Variants in MYRFL observed in about 807,000 individuals in gnomAD.
MYRFL encodes the protein myelin regulatory factor like.
A neutral mutation model predicts 109.4 loss-of-function variants in MYRFL; 88 were observed. The observed-to-expected ratio is 0.80, with a 90% CI of 0.68 to 0.96. MYRFL has a LOEUF of 0.96. MYRFL is among the 40% of genes least tolerant of loss of function. The probability of loss-of-function intolerance (pLI) is 0.00; values close to 1 mark genes in which losing one functional copy is unlikely to be tolerated. For synonymous variants in MYRFL, 324 were observed against 320.9 expected (o/e 1.01, Z -0.10); for missense variants, 957 against 954.9 (o/e 1.00, Z -0.03).
rs975243198 is a variant in MYRFL, at chr12:69,922,233, A to G, written c.1603-4338A>G. Among the ~76,000 whole-genome samples, 4 of 152,294 alleles carry G rather than the reference A, an allele frequency of 2.6e-5. No homozygotes were observed. The East Asian group carries it at 7.7e-4, about 29-fold the overall frequency. On this transcript the variant is annotated intron_variant, in intron 13 of 24. Coordinates refer to ENST00000552032, the MANE Select transcript of MYRFL (RefSeq NM_182530.3). ...CTGTAAATAATACAGCTGTAATTATAGTATAAGGCTCTCTACAGGGTAAAC... is the reference window on the plus strand; with the variant it reads ...CTGTAAATAATACAGCTGTAATTATGGTATAAGGCTCTCTACAGGGTAAAC...
intron 2 of MYRFL, among the ~76,000 whole-genome samples, chr12:69,874,730 T>C (rs1462013964): frequency 6.6e-6 from 1 of 152,084 alleles, no homozygotes; most frequent in Non-Finnish European, 1.5e-5. Flanking sequence ...AATTCTGGCT[T>C]ACCAATTTTG....
intron 2 of MYRFL, among the ~76,000 whole-genome samples, chr12:69,856,397 T>G (rs754971954): frequency 6.6e-6 from 1 of 152,144 alleles, no homozygotes; most frequent in Non-Finnish European, 1.5e-5. Context: ...ATCAATAGTT[T>G]AAATTTCTCT....
intron 19 of MYRFL, among the ~76,000 whole-genome samples, chr12:69,943,427 T>A (rs1396955054): frequency 6.8e-6 from 1 of 146,798 alleles, no homozygotes; most frequent in African/African-American, 2.5e-5. Context: ...AAACAAGCAA[T>A]GGGGAAAGGA....
At chr12:69,868,869 CGCGCACACACAT>C (rs1052540097) in intron 2 of MYRFL, among the ~76,000 whole-genome samples, 2 of 152,028 alleles carry the variant, frequency 1.3e-5, no homozygotes, top group African/African-American at 4.8e-5. Flanking sequence ...TGCACACACA[CGCGCACACACAT>C]GCACTCACAC....
intron 13 of MYRFL, among the ~76,000 whole-genome samples, chr12:69,925,832 G>A (rs149804520): frequency 2.0e-4 from 31 of 152,222 alleles, no homozygotes; most frequent in African/African-American, 7.2e-4. Flanking sequence ...GTATACAATA[G>A]TTCATTGGAT....
At chr12:69,909,601 A>G (rs1954488031) in intron 11 of MYRFL, among the ~76,000 whole-genome samples, 1 of 152,264 alleles carries the variant, frequency 6.6e-6, no homozygotes, top group Non-Finnish European at 1.5e-5. Flanking sequence ...CTCAATTTAA[A>G]GAGGAATCCT....
intron 2 of MYRFL, among the ~76,000 whole-genome samples, chr12:69,865,478 A>T (rs1020860075): frequency 3.9e-5 from 6 of 151,980 alleles, no homozygotes; most frequent in Non-Finnish European, 7.4e-5. Context: ...CTTTATGGGG[A>T]GGAGTTCTAG....
intron 1 of MYRFL, among the ~76,000 whole-genome samples, chr12:69,847,155 G>T (rs1883608214): frequency 2.6e-5 from 4 of 152,148 alleles, no homozygotes; most frequent in Admixed American, 2.6e-4. Flanking sequence ...CACTCAAACT[G>T]CTGCAGTAAG....
intron 2 of MYRFL, among the ~76,000 whole-genome samples, chr12:69,866,248 C>T (rs191968526): frequency 1.3e-5 from 2 of 152,016 alleles, no homozygotes; most frequent in Admixed American, 6.6e-5. Context: ...TCAGAGTTCA[C>T]GTTCATTAAA....
intron 10 of MYRFL, among the ~76,000 whole-genome samples, chr12:69,899,904 T>C (rs186839728): frequency 1.1e-3 from 173 of 152,342 alleles, no homozygotes; most frequent in African/African-American, 3.8e-3. Flanking sequence ...TTGCAGAGTC[T>C]TTGTTTCTGG....
At chr12:69,844,084 G>C (rs1223719472) in intron 1 of MYRFL, among the ~76,000 whole-genome samples, 1 of 152,226 alleles carries the variant, frequency 6.6e-6, no homozygotes, top group Non-Finnish European at 1.5e-5. Flanking sequence ...TTCTCTGTGT[G>C]TAAAACCTCC....
chr12:69,927,545 T>C lies in MYRFL; in HGVS notation c.1767-140T>C, dbSNP rs1955136305. Reference sequence around the variant, plus strand: ...TCCTTTTCACAAAAGGAACTCTCCATTGCCATGACTTTTTGTTTTCAAAAT... The same window carrying C: ...TCCTTTTCACAAAAGGAACTCTCCACTGCCATGACTTTTTGTTTTCAAAAT... On this transcript the variant is annotated intron_variant, in intron 14 of 24. Transcript: ENST00000552032. The C allele has an allele frequency of 8.3e-6, 5 of 604,088 alleles. No individual in the cohort carries two copies. In the South Asian group the frequency reaches 9.1e-5, roughly 11 times the overall value. The allele number at this position is 604,088 out of a possible 1,614,324, so 37.4% of individuals were successfully genotyped here. A position where few individuals can be genotyped will look rare whatever the true frequency, so the allele number is the denominator to read the frequency against.
At chr12:69,850,757 A>G (rs1250706467) in intron 1 of MYRFL, among the ~76,000 whole-genome samples, 4 of 152,116 alleles carry the variant, frequency 2.6e-5, no homozygotes, top group Non-Finnish European at 5.9e-5. Context: ...TCTAAATCCT[A>G]TATTTACATG....
chr12:69,876,915 A>T (rs1162362509), intron 2 of MYRFL, among the ~76,000 whole-genome samples: 1 of 151,958 alleles, frequency 6.6e-6, no homozygotes, highest in South Asian at 2.1e-4. Flanking sequence ...CCCTGGGACC[A>T]TTTCTCTAGA....
chr12:69,891,636 T>TTTCTCTTTCTTTCTTTCTTTCTTTCTTTC (rs1566002293), intron 7 of MYRFL, among the ~76,000 whole-genome samples: 6 of 45,308 alleles, frequency 1.3e-4, no homozygotes, highest in Admixed American at 2.4e-4. Flanking sequence ...CCTTCCTTTC[T>TTTCTCTTTCTTTCTTTCTTTCTTTCTTTC]TTTTCTTTCT....
chr12:69,939,264 A>G (rs867445189), intron 19 of MYRFL, among the ~76,000 whole-genome samples: 2,192 of 151,070 alleles, frequency 0.015, 59 homozygotes, highest in African/African-American at 0.05. Context: ...AAAAGACAGC[A>G]GTAACCTCTG....
intron 2 of MYRFL, among the ~76,000 whole-genome samples, chr12:69,868,738 A>G (rs1259585197): frequency 6.6e-6 from 1 of 152,204 alleles, no homozygotes; most frequent in Non-Finnish European, 1.5e-5. Flanking sequence ...ATCAACTTCT[A>G]GATGGTGGTT....
intron 5 of MYRFL, among the ~76,000 whole-genome samples, chr12:69,886,451 G>T (rs367753253): frequency 9.2e-5 from 14 of 152,152 alleles, no homozygotes; most frequent in African/African-American, 3.4e-4. Context: ...AATTACTGAT[G>T]CAAGGACTGA....
intron 2 of MYRFL, among the ~76,000 whole-genome samples, chr12:69,876,715 A>G (rs369199945): frequency 1.6e-4 from 25 of 152,358 alleles, no homozygotes; most frequent in East Asian, 1.4e-3. Context: ...TTCCTCGAGT[A>G]CATTCCATTT....
Sources: allele counts gnomAD v4.1 joint callset (sites outside exome capture counted in the v4.1 genomes callset), GRCh38; gene constraint gnomAD v4.1.1; transcripts MANE v1.5; gene names NCBI Gene and HGNC (gene_info 2026-07-23, HGNC 2026-07-21).